The following PCDHA3 variants were observed in gnomAD, a reference collection of about 807,000 sequenced individuals.
PCDHA3 encodes the protein protocadherin alpha-3.
Under a neutral mutation model 62.2 loss-of-function variants are expected in PCDHA3, and 41 were observed. The observed-to-expected ratio is 0.66, with a 90% CI of 0.51 to 0.86. The LOEUF (loss-of-function observed/expected upper bound fraction) is 0.86, where lower values mean the gene tolerates loss of function less well. Ranked by LOEUF, PCDHA3 falls within the 40% of genes least tolerant of loss-of-function variation. The probability of loss-of-function intolerance (pLI) is 0.00; values close to 1 mark genes in which losing one functional copy is unlikely to be tolerated. For synonymous variants in PCDHA3, 640 were observed against 555.4 expected, an observed-to-expected ratio of 1.15 and a Z score of -2.14; for missense variants, 1,304 against 1,241.2, an observed-to-expected ratio of 1.05 and a Z score of -0.76.
Position 140,879,462 on chromosome 5 carries a change from G to A in PCDHA3, c.2394+75871G>A, listed in dbSNP as rs927340529. 2.0e-5 allele frequency among the ~76,000 whole-genome samples: 3 copies of A among 152,180 alleles called. No individual in the cohort carries two copies. The South Asian group carries it at 6.2e-4, about 32-fold the overall frequency. ...AAAATGTTACTTTGAAGTCCTAAGAGAATACCGTTGTGATTGGAAATATGG... is the reference window on the plus strand; with the variant it reads ...AAAATGTTACTTTGAAGTCCTAAGAAAATACCGTTGTGATTGGAAATATGG... On this transcript the variant is annotated intron_variant, in intron 1 of 3. Coordinates refer to ENST00000522353, the MANE Select transcript of PCDHA3 (RefSeq NM_018906.3).
intron 1 of PCDHA3, chr5:140,883,172 AT>A: frequency 1.2e-6 from 2 of 1,614,038 alleles, no homozygotes; most frequent in Non-Finnish European, 1.7e-6. Flanking sequence ...CAATGGAGAA[AT>A]TAGGACAAAA....
In PCDHA3 at chr5:140,852,619, G is replaced by C. The variant is rs147501708; in HGVS notation, c.2394+49028G>C. On this transcript the variant is annotated intron_variant, in intron 1 of 3. Transcript: ENST00000522353. ...TGTCATTTTCTTTCAAAACTTGAGT[G>C]GTCTCTGAGCTCCTGTCATTAAACC... The C allele has an allele frequency of 3.4e-4, 315 of 937,802 alleles. 5 individuals carry two copies. The East Asian group carries it at 0.027, about 79-fold the overall frequency. The allele number at this position is 937,802 out of a possible 1,614,324, so 58.1% of individuals were successfully genotyped here.
chr5:140,910,387 T>G (rs540534807), intron 1 of PCDHA3, among the ~76,000 whole-genome samples: 3 of 152,276 alleles, frequency 2.0e-5, no homozygotes, highest in Admixed American at 6.5e-5. Context: ...CCTTTGACAG[T>G]TGACTGGCCC....
chr5:140,807,800 G>A (rs1764034849), intron 1 of PCDHA3: 7 of 1,614,026 alleles, frequency 4.3e-6, no homozygotes, highest in Non-Finnish European at 5.9e-6. Flanking sequence ...CAGAGAAGAA[G>A]CTCCGGAGAT....
chr5:140,848,909 G>A lies in PCDHA3; in HGVS notation c.2394+45318G>A, dbSNP rs2150424301. On this transcript the variant is annotated intron_variant, in intron 1 of 3. Coordinates refer to ENST00000522353, the MANE Select transcript of PCDHA3 (RefSeq NM_018906.3). ...CTCCAGTGTTCCCAGCGACACAAAA[G>A]AATCTGTTCATCGCGGAATCCAGGC... 5 of 1,608,122 alleles carry A rather than the reference G, an allele frequency of 3.1e-6. No homozygotes were observed. In the African/African-American group the frequency reaches 4.1e-5, roughly 13 times the overall value.
intron 1 of PCDHA3, chr5:140,814,309 C>G (rs1765483088): frequency 6.6e-6 from 1 of 152,072 alleles, no homozygotes; most frequent in Non-Finnish European, 1.5e-5. Flanking sequence ...TCATTGTCTT[C>G]CACCTCCATA....
intron 1 of PCDHA3, chr5:140,834,291 G>T: frequency 8.3e-7 from 1 of 1,201,540 alleles, no homozygotes; most frequent in Middle Eastern, 2.2e-4. Flanking sequence ...CACAACAATG[G>T]CCACACATCG....
At chr5:140,932,028 G>A (rs1299372751) in intron 1 of PCDHA3, among the ~76,000 whole-genome samples, 1 of 151,864 alleles carries the variant, frequency 6.6e-6, no homozygotes, top group South Asian at 2.1e-4. Flanking sequence ...TAAGTTTACA[G>A]TATATATTAA....
In PCDHA3 at chr5:140,843,436, C is replaced by T; in HGVS notation, c.2394+39845C>T. On this transcript the variant is annotated intron_variant, in intron 1 of 3. Coordinates refer to ENST00000522353, the MANE Select transcript of PCDHA3 (RefSeq NM_018906.3). ...ACGTGTACCTGATCATCGCCATCTG[C>T]GCGGTATCCAGCCTGCTGGTGCTCA... 2.5e-6 allele frequency: 4 copies of T among 1,596,080 alleles called. 1 individual carries two copies. The highest frequency in any genetic ancestry group is 3.4e-6 in the Non-Finnish European group (4 of 1,165,610).
intron 1 of PCDHA3, chr5:140,969,574 G>T (rs948199454): frequency 1.0e-6 from 1 of 983,446 alleles, no homozygotes; most frequent in Non-Finnish European, 1.5e-6. Context: ...TGTTTGAGAA[G>T]TGAGGATTAG....
intron 1 of PCDHA3, among the ~76,000 whole-genome samples, chr5:140,921,611 A>C (rs781805165): frequency 6.6e-6 from 1 of 152,224 alleles, no homozygotes; most frequent in Non-Finnish European, 1.5e-5. Context: ...AATAAGAAAA[A>C]TATCATCAGA....
At chr5:140,857,489 G>A (rs1168742927) in intron 1 of PCDHA3, 3 of 1,598,334 alleles carry the variant, frequency 1.9e-6, no homozygotes, top group African/African-American at 1.3e-5. Context: ...TGCGTGGGAC[G>A]CGGACGCGCA....
At chr5:140,805,345 T>C (rs1763549365) in intron 1 of PCDHA3, 1 of 1,219,244 alleles carries the variant, frequency 8.2e-7, no homozygotes, top group Non-Finnish European at 1.0e-6. Flanking sequence ...GATCATTTTG[T>C]AAAAATATAG....
intron 1 of PCDHA3, among the ~76,000 whole-genome samples, chr5:140,933,209 G>GTC (rs140472192): frequency 0.32 from 48,939 of 151,636 alleles, 8,153 homozygotes; most frequent in East Asian, 0.53. Flanking sequence ...TAAATTACAT[G>GTC]TCTGTTATAT....
Position 140,807,458 on chromosome 5 carries a change from G to A in PCDHA3, c.2394+3867G>A, listed in dbSNP as rs1763938347. ...CATTTTGTTTGTGAATTCTCGGATCGACCGGGAGGAGCTGTGCCGGCGGAG... is the reference window on the plus strand; with the variant it reads ...CATTTTGTTTGTGAATTCTCGGATCAACCGGGAGGAGCTGTGCCGGCGGAG... On this transcript the variant is annotated intron_variant, in intron 1 of 3. Transcript: ENST00000522353. The A allele has an allele frequency of 6.2e-7, 1 of 1,608,234 alleles. No individual in the cohort carries two copies.
At chr5:140,854,271 A>C in intron 1 of PCDHA3, 5 of 574,086 alleles carry the variant, frequency 8.7e-6, no homozygotes, top group Non-Finnish European at 1.1e-5. Context: ...CATTAGTAGA[A>C]ATTGAGTTTA....
chr5:140,875,388 G>A, intron 1 of PCDHA3: 5 of 1,468,696 alleles, frequency 3.4e-6, no homozygotes, highest in Non-Finnish European at 4.5e-6. Flanking sequence ...TGTACTTACA[G>A]AAAAGGGTGA....
chr5:140,816,962 T>C (rs1766034734), intron 1 of PCDHA3: 1 of 152,144 alleles, frequency 6.6e-6, no homozygotes, highest in Non-Finnish European at 1.5e-5. Context: ...GACAGAAACT[T>C]GGACTGCCCA....
intron 1 of PCDHA3, chr5:140,877,774 G>T (rs782686661): frequency 1.2e-6 from 2 of 1,614,176 alleles, no homozygotes; most frequent in South Asian, 2.2e-5. Context: ...GCCCAAGACG[G>T]ACCTCATGGC....
Sources: gnomAD v4.1 joint callset for allele counts (sites outside exome capture counted in the v4.1 genomes callset) on GRCh38, gnomAD v4.1.1 for gene constraint, MANE v1.5 for transcripts, NCBI Gene and HGNC (gene_info 2026-07-23, HGNC 2026-07-21) for gene names.